ADAM22: variants seen among roughly 807,000 people sequenced by gnomAD.
The protein encoded by ADAM22 is disintegrin and metalloproteinase domain-containing protein 22.
A neutral mutation model predicts 144.6 loss-of-function variants in ADAM22; 65 were observed. The ratio of observed to expected loss-of-function variants is 0.45; its 90% confidence interval spans 0.37 to 0.55. The LOEUF (loss-of-function observed/expected upper bound fraction) is 0.55, where lower values mean the gene tolerates loss of function less well. ADAM22 is among the 20% of genes least tolerant of loss of function. The pLI, the probability that ADAM22 is intolerant of heterozygous loss-of-function variation, is 0.00. For missense variants in ADAM22, 974 were observed against 1,184.9 expected (o/e 0.82, Z 2.61); for synonymous variants, 391 against 412.6 (o/e 0.95, Z 0.63).
chr7:88,190,779 G>A (rs73204148), intron 30 of ADAM22, among the ~76,000 whole-genome samples: 17,516 of 152,030 alleles, frequency 0.12, 1,739 homozygotes, highest in East Asian at 0.48. Flanking sequence ...TTACCGTACC[G>A]TGTTCTCTAC....
At chr7:87,998,337 G>A (rs1205096660) in intron 3 of ADAM22, among the ~76,000 whole-genome samples, 1 of 152,126 alleles carries the variant, frequency 6.6e-6, no homozygotes, top group Non-Finnish European at 1.5e-5. Context: ...CAATATCACA[G>A]GGCTCATGGG....
intron 2 of ADAM22, among the ~76,000 whole-genome samples, chr7:87,953,052 G>T (rs1276772635): frequency 6.6e-6 from 1 of 151,322 alleles, no homozygotes; most frequent in Non-Finnish European, 1.5e-5. Flanking sequence ...AGTCTTGCTA[G>T]TGGTCTATCA....
At chr7:88,122,089 T>C (rs890612008) in intron 7 of ADAM22, among the ~76,000 whole-genome samples, 3 of 152,166 alleles carry the variant, frequency 2.0e-5, no homozygotes, top group Admixed American at 6.5e-5. Flanking sequence ...TAGGACTGCA[T>C]CTCATCTCAA....
intron 4 of ADAM22, among the ~76,000 whole-genome samples, 170 bp from the exon 5 acceptor site, chr7:88,108,006 T>G (rs1037411712): frequency 6.6e-6 from 1 of 152,142 alleles, no homozygotes; most frequent in African/African-American, 2.4e-5. Flanking sequence ...TCACTCAGAG[T>G]GTTTATGAAT....
At chr7:88,024,849 C>T (rs924349309) in intron 3 of ADAM22, among the ~76,000 whole-genome samples, 1 of 151,974 alleles carries the variant, frequency 6.6e-6, no homozygotes. Context: ...ATGGTTACCA[C>T]CTTCATCCAT....
chr7:87,944,463 T>C lies in ADAM22; in HGVS notation c.246+9277T>C, dbSNP rs572704783. Among the ~76,000 whole-genome samples, 14 of 152,188 alleles carry C rather than the reference T, an allele frequency of 9.2e-5. 1 individual carries two copies. The South Asian group carries it at 2.7e-3, about 29-fold the overall frequency. ...ATGCCTTTGGGATATCCTGTTAGTGTTCTGTTGAGGAACTCAGCTGTGGCT... is the reference window on the plus strand; with the variant it reads ...ATGCCTTTGGGATATCCTGTTAGTGCTCTGTTGAGGAACTCAGCTGTGGCT... On this transcript the variant is annotated intron_variant, in intron 2 of 31. Transcript: ENST00000413139.
intron 3 of ADAM22, among the ~76,000 whole-genome samples, chr7:87,986,484 T>C (rs1788520855): frequency 6.6e-6 from 1 of 152,010 alleles, no homozygotes. Flanking sequence ...ACCTAGGAAA[T>C]TGTTTCTGAA....
chr7:88,153,468 C>A, intron 21 of ADAM22, 142 bp downstream of exon 21: 1 of 644,012 alleles, frequency 1.6e-6, no homozygotes, highest in Non-Finnish European at 2.6e-6. Context: ...AGTGTTCCAG[C>A]ATCACCTGTG....
At chr7:88,144,509 G>C (rs556832016) in intron 15 of ADAM22, among the ~76,000 whole-genome samples, 2 of 152,106 alleles carry the variant, frequency 1.3e-5, no homozygotes, top group African/African-American at 4.8e-5. Flanking sequence ...TTATTAAGTC[G>C]ATCAATGGAT....
rs1303354138 is a variant in ADAM22 at position 87,978,381 on chromosome 7, A to G, written c.292A>G (p.Thr98Ala). 2 of 1,613,528 alleles carry G rather than the reference A, an allele frequency of 1.2e-6. No individual in the cohort carries two copies. Among genetic ancestry groups the G allele is most frequent in the African/African-American group, 2.7e-5 (2 of 74,876 alleles). ...QASFQVDAFG[T>A]SFILDVVLNH... ...AAGCTTCCAGGTTGATGCCTTTGGA[A>G]CGTCATTCATTCTCGATGTCGTGCT... is the stretch of plus-strand genomic sequence containing the variant. The change falls in exon 3 of 32, where the codon ACG becomes GCG. Residue 98 changes from threonine to alanine, a missense_variant. This residue lies in a region of ADAM22 where 240 missense variants were observed against 234.3 expected (regional missense o/e 1.02). Transcript: ENST00000413139.
chr7:88,042,054 T>A (rs1013348264), intron 3 of ADAM22, among the ~76,000 whole-genome samples: 1 of 152,114 alleles, frequency 6.6e-6, no homozygotes, highest in Non-Finnish European at 1.5e-5. Context: ...CTAAAATTGA[T>A]GATAGAGCTT....
At chr7:88,153,794 C>T (rs1234941548) in intron 21 of ADAM22, among the ~76,000 whole-genome samples, 2 of 152,220 alleles carry the variant, frequency 1.3e-5, no homozygotes, top group African/African-American at 4.8e-5. Context: ...GCTTTGCCAC[C>T]ATTTGTCTTT....
chr7:88,189,417 A>G (rs1265818880), intron 30 of ADAM22, among the ~76,000 whole-genome samples: 1 of 152,212 alleles, frequency 6.6e-6, no homozygotes, highest in Non-Finnish European at 1.5e-5. Context: ...TCCAGTGCCT[A>G]TGATATACCT....
intron 5 of ADAM22, 127 bp downstream of exon 5, chr7:88,108,385 A>ATT (rs373263735): frequency 1.4e-5 from 10 of 692,480 alleles, no homozygotes; most frequent in Admixed American, 9.9e-5. Context: ...GATGGATCTG[A>ATT]TTTTTTTTTT....
intron 3 of ADAM22, among the ~76,000 whole-genome samples, chr7:87,978,645 A>G (rs1219393842): frequency 6.6e-6 from 1 of 152,248 alleles, no homozygotes; most frequent in Non-Finnish European, 1.5e-5. Flanking sequence ...ATGAAAGGCA[A>G]GAGTTACCCC....
chr7:88,081,843 C>T (rs1438161682), intron 4 of ADAM22, among the ~76,000 whole-genome samples: 3 of 148,536 alleles, frequency 2.0e-5, no homozygotes, highest in Non-Finnish European at 3.0e-5. Flanking sequence ...AAAGAGGATA[C>T]AAACAAATGG....
Position 88,057,491 on chromosome 7 carries a change from A to C in ADAM22, c.324-18135A>C, listed in dbSNP as rs187957538. Reference sequence around the variant, plus strand: ...AAAGATAAGCTTTAATTAAGTTTTGAACTATGGCAGCATCATTGACATAAA... The same window carrying C: ...AAAGATAAGCTTTAATTAAGTTTTGCACTATGGCAGCATCATTGACATAAA... On this transcript the variant is annotated intron_variant, in intron 3 of 31. Coordinates refer to ENST00000413139, the MANE Select transcript of ADAM22 (RefSeq NM_001324418.2). Among the ~76,000 whole-genome samples, 422 of 152,324 alleles carry C rather than the reference A, an allele frequency of 2.8e-3. 6 individuals are homozygous for C. Among genetic ancestry groups the C allele is most frequent in the African/African-American group, 9.6e-3 (399 of 41,580 alleles).
At chr7:87,962,812 G>A (rs183264435) in intron 2 of ADAM22, among the ~76,000 whole-genome samples, 7 of 152,116 alleles carry the variant, frequency 4.6e-5, no homozygotes, top group African/African-American at 1.4e-4. Flanking sequence ...ACTGTTTTTC[G>A]CAGTTAATAA....
chr7:88,175,678 G>A (rs977639372), intron 26 of ADAM22, among the ~76,000 whole-genome samples: 1 of 152,108 alleles, frequency 6.6e-6, no homozygotes, highest in Non-Finnish European at 1.5e-5. Context: ...ACCTACTGTG[G>A]TGATCACTTT....
Sources: allele counts gnomAD v4.1 joint callset (sites outside exome capture counted in the v4.1 genomes callset), GRCh38; gene constraint gnomAD v4.1.1; regional missense constraint gnomAD v4.1.1; transcripts MANE v1.5; gene names NCBI Gene and HGNC (gene_info 2026-07-23, HGNC 2026-07-21).